STXBP6: variants seen among roughly 807,000 people sequenced by gnomAD.
The protein encoded by STXBP6 is syntaxin-binding protein 6.
STXBP6 carries 21 observed loss-of-function variants against 26.9 expected under a neutral mutation model. The ratio of observed to expected loss-of-function variants is 0.78; its 90% CI spans 0.55 to 1.12. The LOEUF (loss-of-function observed/expected upper bound fraction) is 1.12. Among genes scored for constraint, STXBP6 ranks in the 50% most tolerant of loss-of-function variants. STXBP6 has a pLI of 0.00. For synonymous variants in STXBP6, 97 were observed against 92.6 expected (o/e 1.05, Z -0.27); for missense variants, 232 against 257.9 (o/e 0.90, Z 0.69).
chr14:24,876,201 C>A (rs1313975186), intron 2 of STXBP6, among the ~76,000 whole-genome samples: 1 of 152,134 alleles, frequency 6.6e-6, no homozygotes, highest in Non-Finnish European at 1.5e-5. Context: ...GGAAGGCCTG[C>A]CTTACAGGTA....
chr14:24,814,743 T>C (rs1166563985), intron 5 of STXBP6, among the ~76,000 whole-genome samples: 1 of 152,166 alleles, frequency 6.6e-6, no homozygotes, highest in Non-Finnish European at 1.5e-5. Context: ...GTGGAATCTT[T>C]GAGAGGTAGT....
chr14:24,900,330 G>A (rs1349783675), intron 2 of STXBP6, among the ~76,000 whole-genome samples: 4 of 152,142 alleles, frequency 2.6e-5, no homozygotes, highest in African/African-American at 9.7e-5. Flanking sequence ...AGCACCTACT[G>A]GGTGTGGCAC....
intron 2 of STXBP6, among the ~76,000 whole-genome samples, chr14:24,909,360 C>G (rs2071490025): frequency 6.6e-6 from 1 of 152,220 alleles, no homozygotes; most frequent in Non-Finnish European, 1.5e-5. Context: ...TCACAACAAC[C>G]TAGATATTTT....
At chr14:24,925,847 T>C (rs1381935783) in intron 2 of STXBP6, among the ~76,000 whole-genome samples, 6 of 152,174 alleles carry the variant, frequency 3.9e-5, no homozygotes, top group Admixed American at 3.3e-4. Flanking sequence ...GGGAGAAGAA[T>C]TTGACTAAAG....
intron 1 of STXBP6, among the ~76,000 whole-genome samples, chr14:24,995,884 G>T (rs1010587015): frequency 3.3e-5 from 5 of 152,106 alleles, no homozygotes; most frequent in Admixed American, 1.3e-4. Context: ...CTTTATTACT[G>T]TCTTTTCACA....
intron 1 of STXBP6, among the ~76,000 whole-genome samples, chr14:25,001,075 C>G (rs1440896193): frequency 6.6e-6 from 1 of 152,092 alleles, no homozygotes; most frequent in East Asian, 1.9e-4. Context: ...GAAATGTCCC[C>G]TTTACCTCTG....
chr14:24,981,445 A>G (rs919069440), intron 1 of STXBP6, among the ~76,000 whole-genome samples: 1 of 151,914 alleles, frequency 6.6e-6, no homozygotes, highest in African/African-American at 2.4e-5. Context: ...TAATTTTTGT[A>G]TTTTAGTAGA....
In STXBP6 at chr14:25,049,050, A is replaced by C. The variant is rs1415205453; in HGVS notation, c.-33+828T>G. 6.9e-6 allele frequency: 4 copies of C among 580,138 alleles called. No homozygotes were observed. The African/African-American group carries it at 8.1e-5, about 12-fold the overall frequency. The allele number at this position is 580,138 out of a possible 1,614,324, so 35.9% of individuals were successfully genotyped here. The stretch of plus-strand genomic sequence containing the variant: ...AAATCCTGGGGCCAGAACCAAGGGC[A>C]GATACACCCCGGGGACTTTCTCCTA... On this transcript the variant is annotated intron_variant, in intron 1 of 5. Transcript: ENST00000323944. This position sits in a 1 kb window ranked among gnomAD's most constrained non-coding sequence, Gnocchi z 5.6.
intron 2 of STXBP6, among the ~76,000 whole-genome samples, chr14:24,885,907 T>C (rs1019584167): frequency 1.3e-5 from 2 of 152,234 alleles, no homozygotes; most frequent in Admixed American, 1.3e-4. Context: ...AATATGGTTT[T>C]TGAGTCCCAG....
chr14:24,849,356 C>G (rs2069070723), intron 4 of STXBP6, among the ~76,000 whole-genome samples: 1 of 152,004 alleles, frequency 6.6e-6, no homozygotes, highest in South Asian at 2.1e-4. Flanking sequence ...GGAGAACTTT[C>G]AAACATAATT....
chr14:25,005,151 A>AT (rs1332652507), intron 1 of STXBP6, among the ~76,000 whole-genome samples: 8 of 152,314 alleles, frequency 5.3e-5, no homozygotes, highest in African/African-American at 1.9e-4. Flanking sequence ...AAAGACATTT[A>AT]TTTACCTTTT....
intron 2 of STXBP6, among the ~76,000 whole-genome samples, chr14:24,882,604 T>G (rs569607579): frequency 6.6e-6 from 1 of 152,138 alleles, no homozygotes; most frequent in Admixed American, 6.5e-5. Flanking sequence ...ATTCACTCAG[T>G]TCTCTTTCAC....
intron 2 of STXBP6, among the ~76,000 whole-genome samples, chr14:24,918,584 C>T (rs762106985): frequency 6.6e-5 from 10 of 151,246 alleles, no homozygotes; most frequent in South Asian, 2.1e-4. Context: ...TAATAAAATA[C>T]TGTAGAATTG....
intron 2 of STXBP6, among the ~76,000 whole-genome samples, chr14:24,926,196 G>C (rs1162394953): frequency 6.6e-6 from 1 of 151,972 alleles, no homozygotes; most frequent in East Asian, 1.9e-4. Flanking sequence ...CTTCCAAGCA[G>C]ACTAGCAAAG....
chr14:24,866,968 A>G (rs2069745653), intron 2 of STXBP6, among the ~76,000 whole-genome samples: 1 of 152,104 alleles, frequency 6.6e-6, no homozygotes, highest in South Asian at 2.1e-4. Flanking sequence ...GTGGGAAAAA[A>G]GTTGGAAGAC....
chr14:24,984,297 G>A (rs751223390), intron 1 of STXBP6, among the ~76,000 whole-genome samples: 8 of 152,122 alleles, frequency 5.3e-5, no homozygotes, highest in Non-Finnish European at 1.2e-4. Context: ...TATTTGAATC[G>A]CTGATTTGGA....
At chr14:24,949,136 G>C (rs922520833) in intron 2 of STXBP6, among the ~76,000 whole-genome samples, 1 of 152,104 alleles carries the variant, frequency 6.6e-6, no homozygotes, top group African/African-American at 2.4e-5. Flanking sequence ...AGCACCATTA[G>C]AGCAAACATT....
At chr14:24,990,856 A>T (rs1471872018) in intron 1 of STXBP6, among the ~76,000 whole-genome samples, 1 of 151,466 alleles carries the variant, frequency 6.6e-6, no homozygotes, top group Non-Finnish European at 1.5e-5. Flanking sequence ...ATATGCAGAG[A>T]GAAGAGGAGG....
At chr14:24,881,031 T>C (rs549834902) in intron 2 of STXBP6, among the ~76,000 whole-genome samples, 2 of 152,220 alleles carry the variant, frequency 1.3e-5, no homozygotes, top group Non-Finnish European at 2.9e-5. Flanking sequence ...ACACTTTTCA[T>C]TCCTCTACTA....
Sources: allele counts gnomAD v4.1 joint callset (sites outside exome capture counted in the v4.1 genomes callset), GRCh38; gene constraint gnomAD v4.1.1; non-coding constraint Gnocchi (gnomAD v3.1); transcripts MANE v1.5; gene names NCBI Gene and HGNC (gene_info 2026-07-23, HGNC 2026-07-21).